MANSC1: variants seen among roughly 807,000 people sequenced by gnomAD.
MANSC1 encodes the protein MANSC domain-containing protein 1.
MANSC1 carries 13 observed loss-of-function variants against 14.1 expected under a neutral mutation model. The observed-to-expected ratio is 0.92, with a 90% CI of 0.60 to 1.46. The LOEUF (loss-of-function observed/expected upper bound fraction) is 1.46, where lower values mean the gene tolerates loss of function less well. Ranked by LOEUF, MANSC1 falls within the 40% of genes most tolerant of loss-of-function variation. MANSC1 has a pLI of 0.00. For missense variants in MANSC1, 486 were observed against 511.4 expected (o/e 0.95, Z 0.48); for synonymous variants, 227 against 200.7 (o/e 1.13, Z -1.11).
chr12:12,339,818 T>C (rs1283206953), intron 2 of MANSC1, among the ~76,000 whole-genome samples: 1 of 152,044 alleles, frequency 6.6e-6, no homozygotes, highest in Non-Finnish European at 1.5e-5. Flanking sequence ...TGGTCTCTTT[T>C]CTTTTCTTTT....
intron 3 of MANSC1, among the ~76,000 whole-genome samples, chr12:12,332,544 A>G (rs1238997644): frequency 1.3e-5 from 2 of 152,188 alleles, no homozygotes; most frequent in African/African-American, 4.8e-5. Flanking sequence ...GTTTTGAGAC[A>G]GAGTCTCACT....
chr12:12,349,692 T>TAC (rs995868264), intron 1 of MANSC1, among the ~76,000 whole-genome samples: 1 of 152,158 alleles, frequency 6.6e-6, no homozygotes. Flanking sequence ...TATAACTGTA[T>TAC]ACACACACAC....
At chr12:12,348,313 C>T (rs1344376234) in intron 1 of MANSC1, 1 of 151,938 alleles carries the variant, frequency 6.6e-6, no homozygotes, top group African/African-American at 2.4e-5. Flanking sequence ...ACCAAGATGC[C>T]CATCAATAGA....
At position 12,343,359 on chromosome 12, in the gene MANSC1, C is replaced by A; in HGVS notation, c.-45G>T. 7.2e-7 allele frequency: 1 copy of A among 1,392,558 alleles called. No individual in the cohort carries two copies. The highest frequency in any genetic ancestry group is 1.0e-6 in the Non-Finnish European group (1 of 983,424). The allele number at this position is 1,392,558 out of a possible 1,614,324, so 86.3% of individuals were successfully genotyped here. On this transcript the variant is annotated 5_prime_UTR_variant, in exon 2 of 4. Transcript: ENST00000535902. ...TTGGTCTTCAAAGGTCAAGGATAATCCTCCCTCTGGTCTTAGTTTGCTTTA... is the reference window on the plus strand; with the variant it reads ...TTGGTCTTCAAAGGTCAAGGATAATACTCCCTCTGGTCTTAGTTTGCTTTA...
At chr12:12,331,106 C>T (rs1401899239) in intron 3 of MANSC1, 148 bp from the exon 4 acceptor site, 1 of 589,944 alleles carries the variant, frequency 1.7e-6, no homozygotes, top group Admixed American at 3.2e-5. Context: ...CTTTGGGAGG[C>T]TAAGGCAGGA....
In MANSC1 at chr12:12,330,091, G is replaced by A. The variant is rs1408642820; in HGVS notation, c.1232C>T (p.Ser411Leu). Residue 411 changes from serine (S) to leucine (L), a missense_variant, in exon 4 of 4, where the codon TCA becomes TTA. By Grantham distance (145) the Ser-to-Leu change is moderately radical (BLOSUM62 -2). Coordinates refer to ENST00000535902, the MANE Select transcript of MANSC1 (RefSeq NM_018050.4). The stretch of plus-strand genomic sequence containing the variant: ...TCTTGAGTAACGTTTCCTGCGGAGT[G>A]ATTCCGAGAGGATTCTACCCAGGAG... Reference protein sequence around the residue: ...LVLLGRILSESLRRKRYSRLD... With the variant: ...LVLLGRILSELLRRKRYSRLD... 2 of 1,614,150 alleles carry A rather than the reference G, an allele frequency of 1.2e-6. No individual in the cohort carries two copies. The highest frequency in any genetic ancestry group is 1.7e-6 in the Non-Finnish European group (2 of 1,180,028).
chr12:12,331,998 A>C (rs1862797163), intron 3 of MANSC1, among the ~76,000 whole-genome samples: 1 of 152,162 alleles, frequency 6.6e-6, no homozygotes, highest in African/African-American at 2.4e-5. Context: ...CCTGCTGAGG[A>C]GAAACCAGCC....
chr12:12,335,855 A>AT (rs1862852496), intron 3 of MANSC1, among the ~76,000 whole-genome samples: 2 of 151,684 alleles, frequency 1.3e-5, no homozygotes, highest in East Asian at 2.0e-4. Context: ...AAAAAAAATA[A>AT]AAATAAAACT....
Position 12,329,932 on chromosome 12 carries a change from A to G in MANSC1, c.*95T>C. ...GAAGGGGGCATTTTCCTGTCTTCAA[A>G]ATACAACCTCCTGCTAAGACTAGCA... On this transcript the variant is annotated 3_prime_UTR_variant, in exon 4 of 4. Transcript: ENST00000535902. 1 of 1,086,060 alleles carries G rather than the reference A, an allele frequency of 9.2e-7. No homozygotes were observed. The highest frequency in any genetic ancestry group is 1.3e-6 in the Non-Finnish European group (1 of 766,344). 67.3% of individuals were successfully genotyped at this position (1,086,060 alleles called of 1,614,324 possible).
chr12:12,347,896 T>TAA (rs34822040), intron 1 of MANSC1, among the ~76,000 whole-genome samples: 21 of 150,636 alleles, frequency 1.4e-4, no homozygotes, highest in Admixed American at 1.1e-3. Flanking sequence ...CCATCTCTAC[T>TAA]AAAAAAAAAT....
chr12:12,338,918 C>CACACACACACACACACACACACA (rs1565800326), intron 2 of MANSC1: 2 of 249,806 alleles, frequency 8.0e-6, no homozygotes, highest in East Asian at 1.2e-4. Context: ...CACACACACA[C>CACACACACACACACACACACACA]CCCTAAGACC....
chr12:12,338,993 G>C (rs1426145777), intron 2 of MANSC1: 1 of 183,230 alleles, frequency 5.5e-6, no homozygotes, highest in African/African-American at 2.4e-5. Flanking sequence ...AGTATCCCGG[G>C]AAGAGTGCTC....
Position 12,329,982 on chromosome 12 carries a change from G to C in MANSC1, c.*45C>G, listed in dbSNP as rs776420625. Reference sequence around the variant, plus strand: ...AAGTCAGCAGAAACTCATTGCATTTGGGCTTCTGGTTACTAAATGAATTAA... The same window carrying C: ...AAGTCAGCAGAAACTCATTGCATTTCGGCTTCTGGTTACTAAATGAATTAA... On this transcript the variant is annotated 3_prime_UTR_variant, in exon 4 of 4. Coordinates refer to ENST00000535902, the MANE Select transcript of MANSC1 (RefSeq NM_018050.4). The C allele has an allele frequency of 8.6e-6, 13 of 1,515,568 alleles. No homozygotes were observed. In the Admixed American group the frequency reaches 2.0e-4, roughly 24 times the overall value. 93.9% of individuals were successfully genotyped at this position (1,515,568 alleles called of 1,614,324 possible). A position where few individuals can be genotyped will look rare whatever the true frequency, so the allele number is the denominator to read the frequency against.
At chr12:12,349,804 G>T (rs939405002) in intron 1 of MANSC1, among the ~76,000 whole-genome samples, 1 of 152,248 alleles carries the variant, frequency 6.6e-6, no homozygotes, top group African/African-American at 2.4e-5. Flanking sequence ...AATGCATGTT[G>T]CCTACTGAGC....
Position 12,329,765 on chromosome 12 carries a change from T to G in MANSC1, c.*262A>C, listed in dbSNP as rs146774781. On this transcript the variant is annotated 3_prime_UTR_variant, in exon 4 of 4. Transcript: ENST00000535902. The stretch of plus-strand genomic sequence containing the variant: ...CAGGTGTGGTGGCACATGCCTGTAA[T>G]CCCAGATACTTAGGAGGCTGAGGCA... 2.7e-3 allele frequency: 1,020 copies of G among 374,552 alleles called. 13 individuals carry two copies. The highest frequency in any genetic ancestry group is 0.019 in the African/African-American group (928 of 48,654). 23.2% of individuals were successfully genotyped at this position (374,552 alleles called of 1,614,324 possible).
At chr12:12,345,320 C>CAAAAA (rs35001300) in intron 1 of MANSC1, among the ~76,000 whole-genome samples, 1 of 93,114 alleles carries the variant, frequency 1.1e-5, no homozygotes, top group Non-Finnish European at 2.3e-5. Context: ...AACTCCGTCT[C>CAAAAA]AAAAAAAAAA....
At chr12:12,334,567 G>A (rs1055422267) in intron 3 of MANSC1, among the ~76,000 whole-genome samples, 11 of 152,080 alleles carry the variant, frequency 7.2e-5, no homozygotes, top group Admixed American at 3.3e-4. Flanking sequence ...CTCAGGGGCC[G>A]GCAACGCCCC....
chr12:12,347,711 G>A (rs904177724), intron 1 of MANSC1, among the ~76,000 whole-genome samples: 17 of 152,194 alleles, frequency 1.1e-4, no homozygotes, highest in Non-Finnish European at 2.5e-4. Context: ...ACCCACCTAT[G>A]AGAATGGCTA....
chr12:12,348,592 T>A (rs1464965729), intron 1 of MANSC1, among the ~76,000 whole-genome samples: 1 of 152,104 alleles, frequency 6.6e-6, no homozygotes, highest in Non-Finnish European at 1.5e-5. Flanking sequence ...ATTGAGACTA[T>A]TCTGTATAAC....
Sources: gnomAD v4.1 joint callset for allele counts (sites outside exome capture counted in the v4.1 genomes callset) on GRCh38, gnomAD v4.1.1 for gene constraint, MANE v1.5 for transcripts, NCBI Gene and HGNC (gene_info 2026-07-23, HGNC 2026-07-21) for gene names.